The following SORCS1 variants were observed in gnomAD, a reference collection of about 807,000 sequenced individuals.
The protein encoded by SORCS1 is VPS10 domain-containing receptor SorCS1.
A neutral mutation model predicts 146.1 loss-of-function variants in SORCS1; 60 were observed. The ratio of observed to expected loss-of-function variants is 0.41; its 90% CI spans 0.33 to 0.51. The LOEUF (loss-of-function observed/expected upper bound fraction) is 0.51. Ranked by LOEUF, SORCS1 falls within the 20% of genes least tolerant of loss-of-function variation. The probability of loss-of-function intolerance (pLI) is 0.21; values close to 1 mark genes in which losing one functional copy is unlikely to be tolerated. For missense variants in SORCS1, 1,352 were observed against 1,487.6 expected (o/e 0.91, Z 1.50); for synonymous variants, 637 against 584.0 (o/e 1.09, Z -1.31).
At chr10:106,992,027 C>CT (rs1956789846) in intron 1 of SORCS1, among the ~76,000 whole-genome samples, 1 of 146,000 alleles carries the variant, frequency 6.8e-6, no homozygotes, top group Non-Finnish European at 1.5e-5. Flanking sequence ...TATAATGTGA[C>CT]TCGTTGTGAA....
rs921982553 is a variant in SORCS1, at chr10:107,128,042, G to A, written c.558+35927C>T. Among the ~76,000 whole-genome samples, 33 of 152,268 alleles carry A rather than the reference G, an allele frequency of 2.2e-4. 1 individual carries two copies. Among genetic ancestry groups the A allele is most frequent in the East Asian group, 7.7e-4 (4 of 5,182 alleles). ...CTATGAAAGGGACTGGAACTCAGGA[G>A]GATCTCAACACATTATTTTATTTTC... On this transcript the variant is annotated intron_variant, in intron 1 of 25. Coordinates refer to ENST00000263054, the MANE Select transcript of SORCS1 (RefSeq NM_052918.5).
intron 1 of SORCS1, among the ~76,000 whole-genome samples, chr10:107,083,329 T>C (rs1254525464): frequency 6.6e-6 from 1 of 152,160 alleles, no homozygotes; most frequent in East Asian, 1.9e-4. Context: ...CATTGTGGAC[T>C]GTCAATCTTA....
intron 9 of SORCS1, among the ~76,000 whole-genome samples, chr10:106,688,761 A>G (rs1431741415): frequency 6.6e-6 from 1 of 152,208 alleles, no homozygotes; most frequent in Non-Finnish European, 1.5e-5. Context: ...CGTTTATTCT[A>G]TTTCACAGAT....
chr10:106,672,041 T>A (rs1461996511), intron 15 of SORCS1, among the ~76,000 whole-genome samples: 1 of 152,182 alleles, frequency 6.6e-6, no homozygotes, highest in Admixed American at 6.5e-5. Context: ...TCAGACACAC[T>A]CCTCCTTTTG....
At position 106,724,505 on chromosome 10, in the gene SORCS1, G is replaced by GAA. The variant is rs1164388015; in HGVS notation, c.1024+5543_1024+5544dup. 2.2e-4 allele frequency among the ~76,000 whole-genome samples: 30 copies of GAA among 137,678 alleles called. No individual in the cohort carries two copies. The East Asian group carries it at 6.0e-3, about 28-fold the overall frequency. 90.3% of individuals were successfully genotyped at this position (137,678 alleles called of 152,430 possible). A position where few individuals can be genotyped will look rare whatever the true frequency, so the allele number is the denominator to read the frequency against. On this transcript the variant is annotated intron_variant, in intron 6 of 25. Transcript: ENST00000263054. The stretch of plus-strand genomic sequence containing the variant: ...GAGACAGAGTGAGACTCCATCTCAA[G>GAA]AAAAAAAAACAAAATAAAATAAAAT...
At chr10:106,796,341 TC>T (rs765711442) in intron 3 of SORCS1, among the ~76,000 whole-genome samples, 15 of 152,192 alleles carry the variant, frequency 9.9e-5, no homozygotes, top group Non-Finnish European at 8.8e-5. Context: ...TATAGAAACT[TC>T]AGCATGTTTC....
chr10:106,728,131 A>T (rs186362506), intron 6 of SORCS1, among the ~76,000 whole-genome samples: 1 of 152,094 alleles, frequency 6.6e-6, no homozygotes, highest in Non-Finnish European at 1.5e-5. Flanking sequence ...TCCTGGGTTC[A>T]AGTGATTATC....
chr10:106,903,522 T>C (rs1343726402), intron 2 of SORCS1, among the ~76,000 whole-genome samples: 2 of 152,140 alleles, frequency 1.3e-5, no homozygotes, highest in Admixed American at 1.3e-4. Context: ...CACCATCATC[T>C]CTCCATAATC....
intron 18 of SORCS1, among the ~76,000 whole-genome samples, chr10:106,633,893 G>C (rs976812116): frequency 1.3e-5 from 2 of 152,116 alleles, no homozygotes; most frequent in Non-Finnish European, 2.9e-5. Flanking sequence ...TGCAGTCTGA[G>C]GTCTGCAGCC....
chr10:106,620,269 C>A, intron 20 of SORCS1, 159 bp downstream of exon 20: 2 of 784,340 alleles, frequency 2.5e-6, no homozygotes, highest in Non-Finnish European at 3.8e-6. Flanking sequence ...AGAGAGAGAA[C>A]ATAATGATGA....
intron 1 of SORCS1, among the ~76,000 whole-genome samples, chr10:107,091,971 G>C (rs934733470): frequency 6.6e-6 from 1 of 152,112 alleles, no homozygotes; most frequent in African/African-American, 2.4e-5. Context: ...CTGCACATCA[G>C]TATCTAGCAG....
intron 5 of SORCS1, among the ~76,000 whole-genome samples, chr10:106,749,910 A>G (rs1334719707): frequency 6.6e-6 from 1 of 152,210 alleles, no homozygotes; most frequent in African/African-American, 2.4e-5. Flanking sequence ...AAAGAGCTCA[A>G]TGTCACACCC....
chr10:106,905,406 A>G (rs1951869340), intron 2 of SORCS1, among the ~76,000 whole-genome samples: 1 of 152,188 alleles, frequency 6.6e-6, no homozygotes, highest in Non-Finnish European at 1.5e-5. Context: ...GAAAAAAGAT[A>G]TTGCCAAAAT....
At chr10:107,017,410 T>C (rs1180056657) in intron 1 of SORCS1, among the ~76,000 whole-genome samples, 1 of 152,086 alleles carries the variant, frequency 6.6e-6, no homozygotes, top group Admixed American at 6.5e-5. Flanking sequence ...AGACACAAAA[T>C]AATAGTGTGT....
chr10:106,878,006 T>C (rs916986678), intron 2 of SORCS1, among the ~76,000 whole-genome samples: 2 of 152,182 alleles, frequency 1.3e-5, no homozygotes, highest in Non-Finnish European at 2.9e-5. Flanking sequence ...TCTAACATAC[T>C]ATCCAAGAGT....
At chr10:106,994,430 A>G (rs1956910768) in intron 1 of SORCS1, among the ~76,000 whole-genome samples, 1 of 152,250 alleles carries the variant, frequency 6.6e-6, no homozygotes, top group Non-Finnish European at 1.5e-5. Context: ...TTAAAAAAAT[A>G]GGATTATACC....
chr10:107,012,083 T>A (rs1957718430), intron 1 of SORCS1, among the ~76,000 whole-genome samples: 1 of 152,232 alleles, frequency 6.6e-6, no homozygotes, highest in African/African-American at 2.4e-5. Flanking sequence ...TAGAATCAAC[T>A]GTTATTGCAG....
chr10:107,121,737 G>A (rs975381394), intron 1 of SORCS1, among the ~76,000 whole-genome samples: 2 of 151,986 alleles, frequency 1.3e-5, no homozygotes, highest in Non-Finnish European at 2.9e-5. Context: ...TATGATAAGG[G>A]ACAAAAACAC....
chr10:106,919,365 T>C (rs577486028), intron 2 of SORCS1, among the ~76,000 whole-genome samples: 1 of 152,338 alleles, frequency 6.6e-6, no homozygotes, highest in Non-Finnish European at 1.5e-5. Flanking sequence ...AAACATCTAA[T>C]ACTACTGATT....
Sources: allele counts gnomAD v4.1 joint callset (sites outside exome capture counted in the v4.1 genomes callset), GRCh38; gene constraint gnomAD v4.1.1; transcripts MANE v1.5; gene names NCBI Gene and HGNC (gene_info 2026-07-23, HGNC 2026-07-21).